MTOR: variants seen among roughly 807,000 people sequenced by gnomAD.
The protein encoded by MTOR is mechanistic target of rapamycin kinase, also known as serine/threonine-protein kinase mTOR.
Under a neutral mutation model 319.8 loss-of-function variants are expected in MTOR, and 70 were observed. The ratio of observed to expected loss-of-function variants is 0.22; its 90% confidence interval spans 0.18 to 0.27. The LOEUF is 0.27. Ranked by LOEUF, MTOR falls within the 10% of genes least tolerant of loss-of-function variation. The probability of loss-of-function intolerance (pLI) is 1.00; values close to 1 mark genes in which losing one functional copy is unlikely to be tolerated. For missense variants in MTOR, 1,890 were observed against 3,274.4 expected (o/e 0.58, Z 10.32); for synonymous variants, 1,183 against 1,211.4 (o/e 0.98, Z 0.49).
rs1028155156 is a variant in MTOR, at chr1:11,133,305, A to G, written c.5247-108T>C. The G allele has an allele frequency of 1.8e-5, 18 of 986,678 alleles. No homozygotes were observed. The African/African-American group carries it at 2.9e-4, about 16-fold the overall frequency. The allele number at this position is 986,678 out of a possible 1,614,324, so 61.1% of individuals were successfully genotyped here. ...TGAAGCCCTTCTGGTATTTCCTCTTATTCTCAAGAGGCAATGTGAAGGAGC... is the reference window on the plus strand; with the variant it reads ...TGAAGCCCTTCTGGTATTTCCTCTTGTTCTCAAGAGGCAATGTGAAGGAGC... On this transcript the variant is annotated intron_variant, in intron 37 of 57. Coordinates refer to ENST00000361445, the MANE Select transcript of MTOR (RefSeq NM_004958.4). This position sits in a 1 kb window ranked among gnomAD's most constrained non-coding sequence, Gnocchi z 4.0.
At chr1:11,195,099 G>C in intron 28 of MTOR, 1 of 1,476,630 alleles carries the variant, frequency 6.8e-7, no homozygotes, top group Non-Finnish European at 9.3e-7. Context: ...AGGACAGGAA[G>C]AGAGTGTTAG....
intron 53 of MTOR, among the ~76,000 whole-genome samples, chr1:11,113,688 A>C (rs1198246914): frequency 6.6e-6 from 1 of 152,002 alleles, no homozygotes; most frequent in Non-Finnish European, 1.5e-5. Flanking sequence ...ATCATAGCTC[A>C]CTGTGCCTCA....
At chr1:11,238,315 TAG>T (rs1647488667) in intron 12 of MTOR, 85 bp downstream of exon 12, 1 of 1,384,408 alleles carries the variant, frequency 7.2e-7, no homozygotes, top group Admixed American at 1.7e-5. Context: ...CGAAGAACTC[TAG>T]AGAGGCCATG....
chr1:11,256,881 A>G (rs527544218), intron 4 of MTOR, 52 bp downstream of exon 4: 6 of 1,551,882 alleles, frequency 3.9e-6, no homozygotes, highest in Non-Finnish European at 5.3e-6. Context: ...AGACCCCCCC[A>G]TGACACCATC....
At chr1:11,232,272 C>T (rs1647044151) in intron 16 of MTOR, among the ~76,000 whole-genome samples, 164 bp downstream of exon 16, 1 of 152,220 alleles carries the variant, frequency 6.6e-6, no homozygotes, top group African/African-American at 2.4e-5. Flanking sequence ...ATTCTGGTTT[C>T]AAATCTTTCT....
At chr1:11,169,605 CA>C (rs1468201239) in intron 28 of MTOR, among the ~76,000 whole-genome samples, 1 of 152,210 alleles carries the variant, frequency 6.6e-6, no homozygotes, top group African/African-American at 2.4e-5. Flanking sequence ...TAAATGTATA[CA>C]AAAGGATTGA....
chr1:11,245,076 C>T (rs565545922), intron 8 of MTOR, among the ~76,000 whole-genome samples: 1 of 152,110 alleles, frequency 6.6e-6, no homozygotes, highest in East Asian at 1.9e-4. Context: ...TTTGCTATTA[C>T]CTAGAGATTT....
chr1:11,215,265 G>A (rs542755662), intron 20 of MTOR, among the ~76,000 whole-genome samples: 19 of 152,172 alleles, frequency 1.2e-4, no homozygotes, highest in Admixed American at 2.0e-4. Context: ...ACTAGCCATC[G>A]GCCTCTTTAG....
intron 36 of MTOR, among the ~76,000 whole-genome samples, chr1:11,138,666 AGGAG>A (rs1328285937): frequency 6.6e-6 from 1 of 152,174 alleles, no homozygotes; most frequent in Non-Finnish European, 1.5e-5. Context: ...CCTTTTAAGA[AGGAG>A]GAAGGGGAAG....
intron 16 of MTOR, 122 bp downstream of exon 16, chr1:11,232,314 C>T: frequency 1.7e-6 from 1 of 595,382 alleles, no homozygotes; most frequent in Non-Finnish European, 2.9e-6. Context: ...TATTTTTGAG[C>T]ACCTACTATG....
chr1:11,154,168 A>AAACAACAAC (rs374971011), intron 30 of MTOR, among the ~76,000 whole-genome samples: 3 of 149,016 alleles, frequency 2.0e-5, no homozygotes, highest in Admixed American at 6.7e-5. Context: ...GGACTGAGAA[A>AAACAACAAC]AACAACAACA....
chr1:11,238,582 C>A lies in MTOR; in HGVS notation c.1822G>T (p.Asp608Tyr). ...TTGTGCTCACTGTTCAGGAAATGAT[C>A]CGCACAGTGGCGAACAAATTGGGTC... ...SLTQFVRHCA[D>Y]HFLNSEHKEI... The change falls in exon 12 of 58, where the codon GAT becomes TAT. Residue 608 changes from aspartate to tyrosine, a missense_variant. This residue lies in a region of MTOR where 418 missense variants were observed against 543.1 expected (regional missense o/e 0.77). Coordinates refer to ENST00000361445, the MANE Select transcript of MTOR (RefSeq NM_004958.4). The A allele has an allele frequency of 1.2e-6, 2 of 1,614,080 alleles. No homozygotes were observed. Among genetic ancestry groups the A allele is most frequent in the Non-Finnish European group, 1.7e-6 (2 of 1,179,952 alleles).
rs575199780 is a variant in MTOR, at chr1:11,110,516, C to T, written c.7367-787G>A. Among the ~76,000 whole-genome samples, 4 of 152,088 alleles carry T rather than the reference C, an allele frequency of 2.6e-5. No individual in the cohort carries two copies. The South Asian group carries it at 8.3e-4, about 32-fold the overall frequency. ...CTCTCAGGTTCAAGAGATTCTCCTG[C>T]CTCCCGAGTAGCTGGGATTACAGGC... On this transcript the variant is annotated intron_variant, in intron 54 of 57. Coordinates refer to ENST00000361445, the MANE Select transcript of MTOR (RefSeq NM_004958.4).
intron 28 of MTOR, among the ~76,000 whole-genome samples, chr1:11,170,702 G>A (rs1247540836): frequency 7.9e-6 from 1 of 126,116 alleles, no homozygotes; most frequent in Non-Finnish European, 1.7e-5. Context: ...TCTTTTTTTT[G>A]AGAGATGGAG....
In MTOR at chr1:11,180,202, GC is replaced by G. The variant is rs367864217; in HGVS notation, c.4254-12686del. Among the ~76,000 whole-genome samples the G allele has an allele frequency of 2.8e-3, 421 of 152,274 alleles. 6 individuals are homozygous for G. Among genetic ancestry groups the G allele is most frequent in the African/African-American group, 9.5e-3 (395 of 41,554 alleles). ...TTATAGGAGTGAGCCACTGCACCCA[GC>G]CTGGAATGTGTTTTGCTGTGAGCAA... On this transcript the variant is annotated intron_variant, in intron 28 of 57. Coordinates refer to ENST00000361445, the MANE Select transcript of MTOR (RefSeq NM_004958.4).
rs547613363 is a variant in MTOR at position 11,130,610 on chromosome 1, G to A, written c.5532C>T (p.Thr1844=). ...TAATATTTAS[T]EGSNSESEAE... ...CCTCGCTCTCACTGTTGCTGCCCTC[G>A]GTGCTGGCAGTGGTGGTGGCAGTGG... is the stretch of plus-strand genomic sequence containing the variant. Residue 1844 remains threonine, a synonymous_variant, in exon 39 of 58, where the codon ACC becomes ACT. Coordinates refer to ENST00000361445, the MANE Select transcript of MTOR (RefSeq NM_004958.4). 3.2e-5 allele frequency: 51 copies of A among 1,613,842 alleles called. No individual in the cohort carries two copies. Among genetic ancestry groups the A allele is most frequent in the South Asian group, 2.6e-4 (24 of 91,060 alleles).
chr1:11,231,542 A>G, intron 16 of MTOR, 108 bp from the exon 17 acceptor site: 1 of 1,383,186 alleles, frequency 7.2e-7, no homozygotes, highest in Non-Finnish European at 9.7e-7. Context: ...CTGTAAGAAG[A>G]AAAGAGGTTT....
At chr1:11,224,532 G>T (rs758132199) in intron 19 of MTOR, among the ~76,000 whole-genome samples, 7 of 151,812 alleles carry the variant, frequency 4.6e-5, no homozygotes, top group Admixed American at 1.3e-4. Flanking sequence ...AAAATTAGAA[G>T]GACACAAAAG....
intron 10 of MTOR, among the ~76,000 whole-genome samples, chr1:11,240,975 C>A (rs1020817994): frequency 3.3e-5 from 5 of 151,874 alleles, no homozygotes; most frequent in African/African-American, 1.2e-4. Flanking sequence ...TACCATGAAC[C>A]CACAGCAACC....
Sources: gnomAD v4.1 joint callset for allele counts (sites outside exome capture counted in the v4.1 genomes callset) on GRCh38, gnomAD v4.1.1 for gene constraint, gnomAD v4.1.1 regional missense constraint, Gnocchi (gnomAD v3.1) non-coding constraint, MANE v1.5 for transcripts, NCBI Gene and HGNC (gene_info 2026-07-23, HGNC 2026-07-21) for gene names.